HS3ST4: variants seen among roughly 807,000 people sequenced by gnomAD.
The protein encoded by HS3ST4 is heparan sulfate-glucosamine 3-sulfotransferase 4.
In HS3ST4, 17 loss-of-function variants were observed where a neutral mutation model predicts 29.2. That is an observed-to-expected ratio of 0.58 (90% CI 0.40 to 0.87). HS3ST4 has a LOEUF of 0.87. Among genes scored for constraint, HS3ST4 ranks in the 40% least tolerant of loss-of-function variants. The pLI is 0.00. For missense variants in HS3ST4, 627 were observed against 634.5 expected, an observed-to-expected ratio of 0.99 and a Z score of 0.13; for synonymous variants, 314 against 285.7, an observed-to-expected ratio of 1.10 and a Z score of -1.00.
At chr16:25,976,354 G>A (rs1968943236) in intron 1 of HS3ST4, among the ~76,000 whole-genome samples, 1 of 152,124 alleles carries the variant, frequency 6.6e-6, no homozygotes, top group South Asian at 2.1e-4. Context: ...CACCCAGACT[G>A]GAGTGTAATG....
chr16:25,871,195 A>G (rs1396147558), intron 1 of HS3ST4, among the ~76,000 whole-genome samples: 1 of 152,184 alleles, frequency 6.6e-6, no homozygotes, highest in East Asian at 1.9e-4. Context: ...ACAGTCTTCA[A>G]GTTGCAACAC....
intron 1 of HS3ST4, among the ~76,000 whole-genome samples, chr16:25,709,986 G>A (rs1417106252): frequency 6.6e-6 from 1 of 152,114 alleles, no homozygotes; most frequent in African/African-American, 2.4e-5. Flanking sequence ...CAAGTGGAGA[G>A]GGAGAAATGA....
intron 1 of HS3ST4, among the ~76,000 whole-genome samples, chr16:25,968,711 A>G (rs1295895842): frequency 6.6e-6 from 1 of 152,184 alleles, no homozygotes; most frequent in Non-Finnish European, 1.5e-5. Context: ...TTCAACTTTA[A>G]AATTCATAAA....
At chr16:26,005,783 A>C (rs1567291938) in intron 1 of HS3ST4, among the ~76,000 whole-genome samples, 1 of 151,798 alleles carries the variant, frequency 6.6e-6, no homozygotes, top group Non-Finnish European at 1.5e-5. Context: ...AGAGACCACT[A>C]GTTAGACCAG....
chr16:25,707,426 G>C (rs1428861496), intron 1 of HS3ST4, among the ~76,000 whole-genome samples: 1 of 152,064 alleles, frequency 6.6e-6, no homozygotes, highest in East Asian at 1.9e-4. Context: ...TGTATGTATA[G>C]GAAATAACAT....
chr16:25,868,082 T>A (rs999568254), intron 1 of HS3ST4, among the ~76,000 whole-genome samples: 12 of 152,122 alleles, frequency 7.9e-5, no homozygotes, highest in African/African-American at 2.9e-4. Flanking sequence ...ATAATGCACG[T>A]CAGACGCACA....
rs9921388 is a variant in HS3ST4, at chr16:25,814,341, G to T, written c.734+121190G>T. Among the ~76,000 whole-genome samples, 345 of 143,734 alleles carry T rather than the reference G, an allele frequency of 2.4e-3. 3 individuals carry two copies. Among genetic ancestry groups the T allele is most frequent in the African/African-American group, 8.2e-3 (320 of 38,856 alleles). 94.3% of individuals were successfully genotyped at this position (143,734 alleles called of 152,430 possible). A position where few individuals can be genotyped will look rare whatever the true frequency, so the allele number is the denominator to read the frequency against. ...ATGTTGTTATGTCTGGTTTTGTTTT[G>T]TTTTTTTTTGGCGGGGGCGGGGGGA... On this transcript the variant is annotated intron_variant, in intron 1 of 1. Coordinates refer to ENST00000331351, the MANE Select transcript of HS3ST4 (RefSeq NM_006040.3).
chr16:26,014,737 T>C (rs980525928), intron 1 of HS3ST4, among the ~76,000 whole-genome samples: 1 of 152,212 alleles, frequency 6.6e-6, no homozygotes, highest in African/African-American at 2.4e-5. Flanking sequence ...CTTTATCCAG[T>C]CCATCACTGA....
At chr16:25,718,139 A>G (rs11866004) in intron 1 of HS3ST4, among the ~76,000 whole-genome samples, 113,671 of 151,408 alleles carry the variant, frequency 0.75, 43,540 homozygotes, top group East Asian at 0.87. Flanking sequence ...TGGGGGTAGA[A>G]CACCTGTGCT....
chr16:25,748,033 T>C (rs1484837554), intron 1 of HS3ST4, among the ~76,000 whole-genome samples: 1 of 152,130 alleles, frequency 6.6e-6, no homozygotes, highest in Non-Finnish European at 1.5e-5. Flanking sequence ...TTGGTGGTGG[T>C]GGTTGCAGGG....
intron 1 of HS3ST4, among the ~76,000 whole-genome samples, chr16:25,709,646 C>G (rs1459020749): frequency 4.0e-5 from 6 of 151,866 alleles, no homozygotes; most frequent in African/African-American, 1.2e-4. Flanking sequence ...CTGTCTAGGT[C>G]TCTGCTTGAA....
At position 25,717,370 on chromosome 16, in the gene HS3ST4, C is replaced by A. The variant is rs575108668; in HGVS notation, c.734+24219C>A. Among the ~76,000 whole-genome samples the A allele has an allele frequency of 4.6e-5, 7 of 152,016 alleles. No homozygotes were observed. In the South Asian group the frequency reaches 1.5e-3, roughly 32 times the overall value. On this transcript the variant is annotated intron_variant, in intron 1 of 1. Coordinates refer to ENST00000331351, the MANE Select transcript of HS3ST4 (RefSeq NM_006040.3). Reference sequence around the variant, plus strand: ...TAATGACTACTCTGAAGGAACAATACCCAGTACTGTAAGATAATATAATAA... The same window carrying A: ...TAATGACTACTCTGAAGGAACAATAACCAGTACTGTAAGATAATATAATAA...
chr16:25,697,501 A>G (rs1035945279), intron 1 of HS3ST4, among the ~76,000 whole-genome samples: 5 of 152,248 alleles, frequency 3.3e-5, no homozygotes, highest in Non-Finnish European at 5.9e-5. Flanking sequence ...ACGTCTTGCA[A>G]TTAAGTCCAC....
chr16:25,989,986 T>C (rs1038112578), intron 1 of HS3ST4, among the ~76,000 whole-genome samples: 4 of 152,232 alleles, frequency 2.6e-5, no homozygotes. Flanking sequence ...ATTGTTTCCA[T>C]AGTTTTACCT....
chr16:25,876,397 G>T (rs951050057), intron 1 of HS3ST4, among the ~76,000 whole-genome samples: 2 of 152,092 alleles, frequency 1.3e-5, no homozygotes, highest in African/African-American at 2.4e-5. Flanking sequence ...CCAGCCTTTG[G>T]CATGCTTCTT....
chr16:26,106,337 G>A lies in HS3ST4; in HGVS notation c.735-29275G>A, dbSNP rs8043895. ...CTTGTCCACCCACCCTACTCCGTAC[G>A]GCCCAAGGTGACTTCTCTATAAGAA... On this transcript the variant is annotated intron_variant, in intron 1 of 1. Coordinates refer to ENST00000331351, the MANE Select transcript of HS3ST4 (RefSeq NM_006040.3). Among the ~76,000 whole-genome samples, 732 of 152,226 alleles carry A rather than the reference G, an allele frequency of 4.8e-3. 5 individuals carry two copies. The highest frequency in any genetic ancestry group is 0.016 in the African/African-American group (680 of 41,544).
At chr16:25,881,514 A>C (rs980950258) in intron 1 of HS3ST4, among the ~76,000 whole-genome samples, 1 of 152,176 alleles carries the variant, frequency 6.6e-6, no homozygotes, top group East Asian at 1.9e-4. Flanking sequence ...GGATGCTTGG[A>C]TAGACATTCA....
At chr16:26,055,838 A>G (rs1898399705) in intron 1 of HS3ST4, among the ~76,000 whole-genome samples, 2 of 152,070 alleles carry the variant, frequency 1.3e-5, no homozygotes, top group South Asian at 4.2e-4. Context: ...TGGCATGCTA[A>G]CCGTCTGATG....
At chr16:25,728,222 G>T (rs1463498534) in intron 1 of HS3ST4, among the ~76,000 whole-genome samples, 1 of 152,070 alleles carries the variant, frequency 6.6e-6, no homozygotes, top group Non-Finnish European at 1.5e-5. Context: ...GGATGGTCTC[G>T]ATCTCCTGAC....
Sources: allele counts gnomAD v4.1 joint callset (sites outside exome capture counted in the v4.1 genomes callset), GRCh38; gene constraint gnomAD v4.1.1; transcripts MANE v1.5; gene names NCBI Gene and HGNC (gene_info 2026-07-23, HGNC 2026-07-21).